NLRP9: variants seen among roughly 807,000 people sequenced by gnomAD.
NLRP9 encodes NLR family pyrin domain containing 9.
NLRP9 carries 88 observed loss-of-function variants against 83.1 expected under a neutral mutation model. The ratio of observed to expected loss-of-function variants is 1.06; its 90% confidence interval spans 0.89 to 1.26. NLRP9 has a LOEUF of 1.26. Ranked by LOEUF, NLRP9 falls within the 50% of genes most tolerant of loss-of-function variation. The pLI, the probability that NLRP9 is intolerant of heterozygous loss-of-function variation, is 0.00. For synonymous variants in NLRP9, 521 were observed against 447.6 expected, an observed-to-expected ratio of 1.16 and a Z score of -2.07; for missense variants, 1,308 against 1,179.3, an observed-to-expected ratio of 1.11 and a Z score of -1.60.
intron 4 of NLRP9, among the ~76,000 whole-genome samples, chr19:55,719,400 G>A (rs992061579): frequency 7.9e-5 from 12 of 152,124 alleles, no homozygotes; most frequent in South Asian, 4.1e-4. Flanking sequence ...TGATCTGCCC[G>A]CCTCGGCCTC....
At chr19:55,731,961 T>C (rs1040353819) in intron 2 of NLRP9, 38 bp downstream of exon 2, 1 of 1,328,962 alleles carries the variant, frequency 7.5e-7, no homozygotes. Context: ...AAACTCCAAG[T>C]GTAGTGTGTG....
rs1988834002 is a variant in NLRP9 at position 55,738,128 on chromosome 19, C to CT, written c.246dup (p.Asp83ArgfsTer13). 6.2e-7 allele frequency: 1 copy of CT among 1,614,190 alleles called. No individual in the cohort carries two copies. Among genetic ancestry groups the CT allele is most frequent in the East Asian group, 2.2e-5 (1 of 44,880 alleles). ...TCTTCCTGAGCCTTTGTCCAGAGAT[C>CT]TTTCCTATTGATCTGTAGAAACAGG... On this transcript the variant is annotated frameshift_variant, in exon 1 of 9. Coordinates refer to ENST00000332836, the MANE Select transcript of NLRP9 (RefSeq NM_176820.4). LOFTEE classifies it high-confidence loss of function.
chr19:55,713,475 C>T (rs758041667), intron 6 of NLRP9, among the ~76,000 whole-genome samples: 7 of 151,496 alleles, frequency 4.6e-5, no homozygotes, highest in Non-Finnish European at 1.0e-4. Flanking sequence ...GTGTTGGTGG[C>T]TCTCAGGCAG....
intron 1 of NLRP9, 100 bp downstream of exon 1, chr19:55,737,995 C>T: frequency 8.8e-7 from 1 of 1,131,366 alleles, no homozygotes; most frequent in Non-Finnish European, 1.3e-6. Context: ...GACCCACACA[C>T]ATTCTCATCT....
chr19:55,726,656 G>GA (rs1309585765), intron 3 of NLRP9, among the ~76,000 whole-genome samples: 1 of 151,960 alleles, frequency 6.6e-6, no homozygotes, highest in Non-Finnish European at 1.5e-5. Flanking sequence ...AACTATGAGG[G>GA]AAAAAAAGTT....
In NLRP9 at chr19:55,716,854, G is replaced by A; in HGVS notation, c.2204C>T (p.Ala735Val). 1 of 1,613,834 alleles carries A rather than the reference G, an allele frequency of 6.2e-7. No homozygotes were observed. The highest frequency in any genetic ancestry group is 8.5e-7 in the Non-Finnish European group (1 of 1,179,926). Residue 735 changes from alanine to valine, a missense_variant, in exon 5 of 9, where the codon GCC becomes GTC. By Grantham distance (64) the Ala-to-Val change is moderately conservative (BLOSUM62 0). Transcript: ENST00000332836. ...CTTGCTGTTGCAGGCCAGGACGGAG[G>A]CGATGTCTTCACAAACTTCACTGGA... ...DISSEVCEDI[A>V]SVLACNSKLK...
At chr19:55,714,284 G>A (rs1482984833) in intron 6 of NLRP9, among the ~76,000 whole-genome samples, 1 of 151,832 alleles carries the variant, frequency 6.6e-6, no homozygotes, top group Admixed American at 6.6e-5. Context: ...TAAGGAGGAG[G>A]CTCTAGCTAT....
In NLRP9 at chr19:55,732,902, A is replaced by T; in HGVS notation, c.929T>A (p.Phe310Tyr). 1.9e-6 allele frequency: 3 copies of T among 1,613,894 alleles called. No homozygotes were observed. The highest frequency in any genetic ancestry group is 2.2e-5 in the South Asian group (2 of 90,976). ...ESEKKSYFSYFFGEKSKALKV... is the reference protein window; with the variant it reads ...ESEKKSYFSYYFGEKSKALKV... ...CAGGGCTTTGCTCTTCTCACCAAAG[A>T]AGTAGGAGAAATACGACTTCTTTTC... Residue 310 changes from phenylalanine (F) to tyrosine (Y), a missense_variant, in exon 2 of 9, where the codon TTC becomes TAC. Coordinates refer to ENST00000332836, the MANE Select transcript of NLRP9 (RefSeq NM_176820.4).
Position 55,711,898 on chromosome 19 carries a change from C to G in NLRP9, c.2745G>C (p.Leu915=). ...CAATCCAGTCGAGGTTCAGGCTCCT[C>G]AGTGTTTTGCAGGCGATGAGTGCTG... ...IAAALIACKT[L]RSLNLDWIAL... Residue 915 remains leucine, a synonymous_variant, in exon 8 of 9, where the codon CTG becomes CTC. Coordinates refer to ENST00000332836, the MANE Select transcript of NLRP9 (RefSeq NM_176820.4). 1 of 1,613,350 alleles carries G rather than the reference C, an allele frequency of 6.2e-7. No individual in the cohort carries two copies. The highest frequency in any genetic ancestry group is 1.1e-5 in the South Asian group (1 of 91,082).
intron 4 of NLRP9, among the ~76,000 whole-genome samples, chr19:55,717,190 C>G (rs1157946379): frequency 6.6e-6 from 1 of 152,060 alleles, no homozygotes; most frequent in African/African-American, 2.4e-5. Flanking sequence ...CCCGCCATCA[C>G]GCCCAGTTCA....
At chr19:55,733,919 A>AT (rs765779528) in intron 1 of NLRP9, among the ~76,000 whole-genome samples, 1,707 of 117,848 alleles carry the variant, frequency 0.014, 61 homozygotes, top group South Asian at 0.038. Flanking sequence ...TGTCAACCAA[A>AT]TTTTTTTTTT....
At chr19:55,723,784 C>G (rs375493035) in intron 4 of NLRP9, among the ~76,000 whole-genome samples, 196 bp downstream of exon 4, 8 of 148,634 alleles carry the variant, frequency 5.4e-5, no homozygotes, top group Non-Finnish European at 1.0e-4. Flanking sequence ...GATGGGAAGG[C>G]GGAAACAAAC....
Position 55,732,903 on chromosome 19 carries a change from A to C in NLRP9, c.928T>G (p.Phe310Val). 2 of 1,613,916 alleles carry C rather than the reference A, an allele frequency of 1.2e-6. No homozygotes were observed. The highest frequency in any genetic ancestry group is 1.7e-5 in the Admixed American group (1 of 59,942). ...ESEKKSYFSY[F>V]FGEKSKALKV... ...AGGGCTTTGCTCTTCTCACCAAAGA[A>C]GTAGGAGAAATACGACTTCTTTTCA... The change falls in exon 2 of 9, where the codon TTC becomes GTC. Residue 310 changes from phenylalanine (F) to valine (V), a missense_variant. Phe to Val is a conservative substitution (Grantham distance 50). Coordinates refer to ENST00000332836, the MANE Select transcript of NLRP9 (RefSeq NM_176820.4).
intron 4 of NLRP9, among the ~76,000 whole-genome samples, chr19:55,720,430 A>T (rs1988189265): frequency 6.6e-6 from 1 of 152,152 alleles, no homozygotes; most frequent in South Asian, 2.1e-4. Context: ...GGCTCAAGAG[A>T]TCCTCCTGCA....
At chr19:55,711,108 CA>C (rs568342962) in intron 8 of NLRP9, among the ~76,000 whole-genome samples, 12 of 144,778 alleles carry the variant, frequency 8.3e-5, no homozygotes, top group South Asian at 2.1e-4. Context: ...CAAAACAAAA[CA>C]AAAAAAAAAC....
chr19:55,728,805 AG>A (rs1988475953), intron 3 of NLRP9, among the ~76,000 whole-genome samples: 1 of 152,180 alleles, frequency 6.6e-6, no homozygotes, highest in African/African-American at 2.4e-5. Context: ...TTCAAGCTGA[AG>A]GAAGACTTAA....
intron 8 of NLRP9, chr19:55,711,436 C>T (rs1228120110): frequency 7.7e-7 from 1 of 1,301,022 alleles, no homozygotes; most frequent in Admixed American, 2.3e-5. Flanking sequence ...AGAAGCCCTT[C>T]TGAAGTCTGA....
chr19:55,736,348 G>A (rs1390299711), intron 1 of NLRP9, among the ~76,000 whole-genome samples: 5 of 152,076 alleles, frequency 3.3e-5, no homozygotes, highest in South Asian at 2.1e-4. Flanking sequence ...CTGAGATCGC[G>A]CCACTGCACT....
chr19:55,726,809 C>T (rs549618419), intron 3 of NLRP9, among the ~76,000 whole-genome samples: 4 of 152,224 alleles, frequency 2.6e-5, no homozygotes, highest in East Asian at 3.9e-4. Context: ...GATTCTCCAT[C>T]GTCTCAGCAA....
Sources: allele counts gnomAD v4.1 joint callset (sites outside exome capture counted in the v4.1 genomes callset), GRCh38; gene constraint gnomAD v4.1.1; transcripts MANE v1.5; gene names NCBI Gene and HGNC (gene_info 2026-07-23, HGNC 2026-07-21).